The following TSC22D1 variants were observed in gnomAD, a reference collection of about 807,000 sequenced individuals.
The protein encoded by TSC22D1 is TSC22 domain family protein 1.
TSC22D1 carries 9 observed loss-of-function variants against 74.2 expected under a neutral mutation model. That is an observed-to-expected ratio of 0.12 (90% CI 0.07 to 0.21). The LOEUF (loss-of-function observed/expected upper bound fraction) is 0.21, where lower values mean the gene tolerates loss of function less well. Among genes scored for constraint, TSC22D1 ranks in the 10% least tolerant of loss-of-function variants. The pLI, the probability that TSC22D1 is intolerant of heterozygous loss-of-function variation, is 1.00. For missense variants in TSC22D1, 1,427 were observed against 1,304.7 expected (o/e 1.09, Z -1.44); for synonymous variants, 586 against 492.5 (o/e 1.19, Z -2.51).
At chr13:44,545,463 T>C (rs2138117680) in intron 1 of TSC22D1, among the ~76,000 whole-genome samples, 1 of 152,266 alleles carries the variant, frequency 6.6e-6, no homozygotes, top group South Asian at 2.1e-4. Flanking sequence ...AAATACTTTT[T>C]TCATAATTAA....
At chr13:44,466,699 C>T (rs542326947) in intron 1 of TSC22D1, among the ~76,000 whole-genome samples, 3 of 151,828 alleles carry the variant, frequency 2.0e-5, no homozygotes, top group Admixed American at 6.6e-5. Context: ...GAGCCCAGGA[C>T]GTCAAGGCTG....
chr13:44,551,311 GT>G (rs776227723), intron 1 of TSC22D1, among the ~76,000 whole-genome samples: 2,296 of 30,976 alleles, frequency 0.074, 53 homozygotes, highest in African/African-American at 0.18. Flanking sequence ...TCAGCTGGGG[GT>G]GTGTGTGTGT....
intron 1 of TSC22D1, among the ~76,000 whole-genome samples, chr13:44,546,770 G>GTA (rs1413436157): frequency 6.6e-6 from 1 of 151,678 alleles, no homozygotes; most frequent in Non-Finnish European, 1.5e-5. Flanking sequence ...GTGTGTGTGT[G>GTA]TGTGTAGGTA....
At chr13:44,483,705 C>T (rs1000078305) in intron 1 of TSC22D1, among the ~76,000 whole-genome samples, 14 of 150,246 alleles carry the variant, frequency 9.3e-5, no homozygotes, top group Admixed American at 9.3e-4. Context: ...ACAAGATCTA[C>T]AAAAATTGGC....
chr13:44,574,129 G>A lies in TSC22D1; in HGVS notation c.1946C>T (p.Thr649Ile), dbSNP rs978206024. ...TACATACTCTGAAGCAGGATTTTGA[G>A]TCACTGATTTGACATGGCCTGGGGC... ...QMAPGHVKSV[T>I]QNPASEYVQQ... Residue 649 changes from threonine (T) to isoleucine (I), a missense_variant, in exon 1 of 3, where the codon ACT becomes ATT. Around this residue, in one of 3 missense-constraint regions of TSC22D1, gnomAD observed 1,343 missense variants for 1,191.5 expected, o/e 1.13. Coordinates refer to ENST00000458659, the MANE Select transcript of TSC22D1 (RefSeq NM_183422.4). 16 of 1,614,244 alleles carry A rather than the reference G, an allele frequency of 9.9e-6. 2 individuals carry two copies. The South Asian group carries it at 1.8e-4, about 18-fold the overall frequency.
At chr13:44,564,386 G>A (rs1410657764) in intron 1 of TSC22D1, among the ~76,000 whole-genome samples, 1 of 152,076 alleles carries the variant, frequency 6.6e-6, no homozygotes, top group East Asian at 1.9e-4. Context: ...AAAGAACAAG[G>A]TGCTATTAAA....
chr13:44,502,092 A>G (rs1879247596), intron 1 of TSC22D1, among the ~76,000 whole-genome samples: 2 of 152,082 alleles, frequency 1.3e-5, no homozygotes. Flanking sequence ...TATCGTTTCA[A>G]TATATTTGTA....
chr13:44,548,029 A>G (rs1021466082), intron 1 of TSC22D1, among the ~76,000 whole-genome samples: 1 of 152,196 alleles, frequency 6.6e-6, no homozygotes, highest in Non-Finnish European at 1.5e-5. Context: ...CATATATGGA[A>G]TATTATTATC....
chr13:44,544,356 C>CAAAA (rs796430706), intron 1 of TSC22D1, among the ~76,000 whole-genome samples: 7 of 127,968 alleles, frequency 5.5e-5, no homozygotes, highest in African/African-American at 2.0e-4. Flanking sequence ...AACAAAAAGG[C>CAAAA]AAAAAAAAAA....
Position 44,575,063 on chromosome 13 carries a change from T to A in TSC22D1, c.1012A>T (p.Ile338Leu). ...GCACTAGGAATATTGCTTGTACTTA[T>A]ATTAACATTACCAAGCATGCTGCTT... is the stretch of plus-strand genomic sequence containing the variant. ...VTSSMLGNVNISTSNIPSAAG... is the reference protein window; with the variant it reads ...VTSSMLGNVNLSTSNIPSAAG... Residue 338 changes from isoleucine (I) to leucine (L), a missense_variant, in exon 1 of 3, where the codon ATA becomes TTA. By Grantham distance (5) the Ile-to-Leu change is conservative (BLOSUM62 2). Transcript: ENST00000458659. 6.2e-7 allele frequency: 1 copy of A among 1,614,200 alleles called. No homozygotes were observed. The highest frequency in any genetic ancestry group is 1.1e-5 in the South Asian group (1 of 91,084).
rs1291726731 is a variant in TSC22D1 at position 44,472,453 on chromosome 13, TTC to T, written c.2913-36360_2913-36359del. On this transcript the variant is annotated intron_variant, in intron 1 of 2. Coordinates refer to ENST00000458659, the MANE Select transcript of TSC22D1 (RefSeq NM_183422.4). ...ACTCTCAACCATTGACATATCTGAT[TTC>T]TGTCTCCCCTCTCACCCACTCACTC... Among the ~76,000 whole-genome samples, 4 of 152,318 alleles carry T rather than the reference TTC, an allele frequency of 2.6e-5. No homozygotes were observed. In the East Asian group the frequency reaches 7.7e-4, roughly 29 times the overall value.
Position 44,517,333 on chromosome 13 carries a change from A to AACACAC in TSC22D1, c.2912+55824_2912+55829dup, listed in dbSNP as rs3046042. Among the ~76,000 whole-genome samples the AACACAC allele has an allele frequency of 8.4e-3, 1,257 of 148,788 alleles. 21 individuals carry two copies. The highest frequency in any genetic ancestry group is 0.039 in the Admixed American group (577 of 14,938). On this transcript the variant is annotated intron_variant, in intron 1 of 2. Coordinates refer to ENST00000458659, the MANE Select transcript of TSC22D1 (RefSeq NM_183422.4). ...ATCGTTACCGTAAAAACAAAAACAA[A>AACACAC]ACACACACACACACACACACACACA... is the stretch of plus-strand genomic sequence containing the variant.
chr13:44,457,078 CAT>C (rs1595092448), intron 1 of TSC22D1, among the ~76,000 whole-genome samples: 2 of 152,318 alleles, frequency 1.3e-5, no homozygotes, highest in East Asian at 3.9e-4. Flanking sequence ...CAACACAATT[CAT>C]ATGTTAGAGA....
At chr13:44,468,241 G>A (rs1450112649) in intron 1 of TSC22D1, among the ~76,000 whole-genome samples, 1 of 152,106 alleles carries the variant, frequency 6.6e-6, no homozygotes, top group Non-Finnish European at 1.5e-5. Flanking sequence ...GGTAGAAAGG[G>A]GGTGAGGGAT....
At chr13:44,483,020 T>C (rs572418886) in intron 1 of TSC22D1, among the ~76,000 whole-genome samples, 44 of 152,316 alleles carry the variant, frequency 2.9e-4, no homozygotes, top group African/African-American at 1.0e-3. Flanking sequence ...ATCAGTACAT[T>C]ATATAAAGCT....
At chr13:44,554,462 G>A (rs1353670075) in intron 1 of TSC22D1, among the ~76,000 whole-genome samples, 1 of 151,946 alleles carries the variant, frequency 6.6e-6, no homozygotes, top group Non-Finnish European at 1.5e-5. Context: ...GATAAATCAA[G>A]ATCTTATGAT....
At chr13:44,572,464 G>A (rs73190851) in intron 1 of TSC22D1, among the ~76,000 whole-genome samples, 3,834 of 152,172 alleles carry the variant, frequency 0.025, 49 homozygotes, top group Non-Finnish European at 0.037. Flanking sequence ...TCTTTAAAAT[G>A]GCTACCACCT....
chr13:44,534,465 T>C (rs1881035951), intron 1 of TSC22D1, among the ~76,000 whole-genome samples: 1 of 152,118 alleles, frequency 6.6e-6, no homozygotes, highest in Admixed American at 6.6e-5. Context: ...TTATCCTTTA[T>C]TGAGTAAATT....
intron 1 of TSC22D1, among the ~76,000 whole-genome samples, chr13:44,487,521 A>AAAAAAAAAAAAAAAAAAAAAT (rs1566135759): frequency 6.8e-6 from 1 of 147,816 alleles, no homozygotes; most frequent in Non-Finnish European, 1.5e-5. Context: ...AAAAAAAAAA[A>AAAAAAAAAAAAAAAAAAAAAT]AAAAAAGAAA....
Sources: gnomAD v4.1 joint callset for allele counts (sites outside exome capture counted in the v4.1 genomes callset) on GRCh38, gnomAD v4.1.1 for gene constraint, gnomAD v4.1.1 regional missense constraint, MANE v1.5 for transcripts, NCBI Gene and HGNC (gene_info 2026-07-23, HGNC 2026-07-21) for gene names.